Variants in FAT3 observed in about 807,000 individuals in gnomAD.
FAT3 encodes protocadherin Fat 3.
Under a neutral mutation model 310.2 loss-of-function variants are expected in FAT3, and 95 were observed. The observed-to-expected ratio is 0.31, with a 90% CI of 0.26 to 0.36. The LOEUF is 0.36. Ranked by LOEUF, FAT3 falls within the 10% of genes least tolerant of loss-of-function variation. The pLI is 1.00. For missense variants in FAT3, 5,408 were observed against 5,715.6 expected (o/e 0.95, Z 1.74); for synonymous variants, 2,314 against 2,192.9 (o/e 1.06, Z -1.54).
At chr11:92,335,904 A>G (rs1948058819) in intron 1 of FAT3, 2 of 256,500 alleles carry the variant, frequency 7.8e-6, no homozygotes, top group South Asian at 9.9e-5. Flanking sequence ...AAAGTTTCAA[A>G]AACATCAGAT....
At position 92,798,740 on chromosome 11, in the gene FAT3, T is replaced by A. The variant is rs1169786645; in HGVS notation, c.5727T>A (p.Asp1909Glu). Reference sequence around the variant, plus strand: ...AGGTTCTGAAAGTTAGTGCCACAGATCCTGACTCTGAGGTACCCCCTGAAC... The same window carrying A: ...AGGTTCTGAAAGTTAGTGCCACAGAACCTGACTCTGAGGTACCCCCTGAAC... ...GVEVLKVSAT[D>E]PDSEVPPELT... Residue 1909 changes from aspartate to glutamate, a missense_variant, in exon 10 of 28, where the codon GAT becomes GAA. Around this residue, in one of 5 missense-constraint regions of FAT3, gnomAD observed 4,588 missense variants for 4,809.8 expected, o/e 0.95. Transcript: ENST00000525166. The A allele has an allele frequency of 6.2e-7, 1 of 1,613,782 alleles. No individual in the cohort carries two copies. Among genetic ancestry groups the A allele is most frequent in the Non-Finnish European group, 8.5e-7 (1 of 1,179,798 alleles).
intron 11 of FAT3, among the ~76,000 whole-genome samples, chr11:92,805,961 A>G (rs138390298): frequency 6.6e-6 from 1 of 152,228 alleles, no homozygotes; most frequent in Non-Finnish European, 1.5e-5. Flanking sequence ...ACTAATGCCA[A>G]ATGCTGGTAG....
intron 1 of FAT3, among the ~76,000 whole-genome samples, chr11:92,273,834 C>T (rs994422439): frequency 1.3e-5 from 2 of 152,062 alleles, no homozygotes; most frequent in Non-Finnish European, 2.9e-5. Context: ...TTTAACCATT[C>T]TTCTTCTGAG....
At position 92,894,404 on chromosome 11, in the gene FAT3, C is replaced by T. The variant is rs558211788; in HGVS notation, c.*3291C>T. On this transcript the variant is annotated 3_prime_UTR_variant, in exon 28 of 28. Coordinates refer to ENST00000525166, the MANE Select transcript of FAT3 (RefSeq NM_001367949.2). ...TTTCTTCCCACAAACACTGGCTACT[C>T]TTTGTCCTACCCCCTCCACCATGAT... is the stretch of plus-strand genomic sequence containing the variant. 1 of 152,266 alleles carries T rather than the reference C, an allele frequency of 6.6e-6. No individual in the cohort carries two copies. The allele number at this position is 152,266 out of a possible 1,614,324, so 9.4% of individuals were successfully genotyped here.
chr11:92,465,647 G>A (rs1329425140), intron 2 of FAT3, among the ~76,000 whole-genome samples: 3 of 152,112 alleles, frequency 2.0e-5, no homozygotes, highest in Admixed American at 6.6e-5. Context: ...CTCACTCATA[G>A]GTGGGAATTG....
Position 92,867,168 on chromosome 11 carries a change from C to A in FAT3, c.12086C>A (p.Pro4029Gln), listed in dbSNP as rs1473992762. Residue 4029 changes from proline to glutamine, a missense_variant, in exon 22 of 28, where the codon CCG becomes CAG. Physicochemically the swap from Pro to Gln is moderately conservative, Grantham distance 76 (BLOSUM62 -1). This residue lies in a region of FAT3 where 4,588 missense variants were observed against 4,809.8 expected (regional missense o/e 0.95). Coordinates refer to ENST00000525166, the MANE Select transcript of FAT3 (RefSeq NM_001367949.2). ...VLYPDACKRS[P>Q]CQHGGSCTGL... ...TATCCCGACGCCTGCAAGCGCAGCC[C>A]GTGCCAGCACGGGGGCAGCTGCACT... is the stretch of plus-strand genomic sequence containing the variant. 6.3e-7 allele frequency: 1 copy of A among 1,592,662 alleles called. No homozygotes were observed. Among genetic ancestry groups the A allele is most frequent in the Non-Finnish European group, 8.5e-7 (1 of 1,172,174 alleles).
At chr11:92,705,424 G>GTGA (rs1944255923) in intron 4 of FAT3, among the ~76,000 whole-genome samples, 12 of 84,484 alleles carry the variant, frequency 1.4e-4, no homozygotes, top group East Asian at 3.9e-4. Context: ...GGTGGTAGTG[G>GTGA]TGGTGGTGGT....
chr11:92,373,541 C>A (rs1010697495), intron 2 of FAT3, among the ~76,000 whole-genome samples: 1 of 151,832 alleles, frequency 6.6e-6, no homozygotes, highest in Non-Finnish European at 1.5e-5. Flanking sequence ...TTGTTAGGAG[C>A]TTAAAGGGAA....
At chr11:92,666,972 A>C (rs1290529867) in intron 3 of FAT3, among the ~76,000 whole-genome samples, 1 of 152,086 alleles carries the variant, frequency 6.6e-6, no homozygotes, top group Non-Finnish European at 1.5e-5. Context: ...AATGGGGTCT[A>C]GTCGTGAGGA....
chr11:92,274,566 A>G (rs1404783954), intron 1 of FAT3, among the ~76,000 whole-genome samples: 1 of 152,084 alleles, frequency 6.6e-6, no homozygotes, highest in African/African-American at 2.4e-5. Flanking sequence ...AGAATTTTCA[A>G]GTAATTAACC....
chr11:92,881,910 T>A (rs1822696544), intron 23 of FAT3, among the ~76,000 whole-genome samples: 1 of 152,192 alleles, frequency 6.6e-6, no homozygotes, highest in Admixed American at 6.5e-5. Context: ...GCCTTTAACA[T>A]AAGCACAGAA....
At chr11:92,382,676 G>A (rs1949523361) in intron 2 of FAT3, among the ~76,000 whole-genome samples, 3 of 152,134 alleles carry the variant, frequency 2.0e-5, no homozygotes, top group Admixed American at 2.0e-4. Flanking sequence ...TTCAGGTTTT[G>A]CTAATCTTGA....
chr11:92,569,910 C>T (rs1284766816), intron 3 of FAT3, among the ~76,000 whole-genome samples: 1 of 152,130 alleles, frequency 6.6e-6, no homozygotes, highest in Non-Finnish European at 1.5e-5. Flanking sequence ...GGAGCTATGA[C>T]TTTGAGCACT....
intron 1 of FAT3, among the ~76,000 whole-genome samples, chr11:92,310,039 T>C (rs1305714777): frequency 6.6e-6 from 1 of 152,148 alleles, no homozygotes; most frequent in Non-Finnish European, 1.5e-5. Context: ...TCTATTCACT[T>C]GTTTTCAAAG....
intron 3 of FAT3, among the ~76,000 whole-genome samples, chr11:92,628,622 C>T (rs1294563120): frequency 6.6e-6 from 1 of 152,118 alleles, no homozygotes; most frequent in Non-Finnish European, 1.5e-5. Flanking sequence ...TATTGTGTAC[C>T]TATGTCTATT....
intron 3 of FAT3, among the ~76,000 whole-genome samples, chr11:92,580,345 A>G (rs1388074526): frequency 6.6e-6 from 1 of 151,984 alleles, no homozygotes; most frequent in East Asian, 1.9e-4. Context: ...GACATTATGT[A>G]TGTTTGAAAT....
At chr11:92,705,805 G>A (rs912379321) in intron 4 of FAT3, among the ~76,000 whole-genome samples, 1 of 60,060 alleles carries the variant, frequency 1.7e-5, no homozygotes, top group Non-Finnish European at 3.6e-5. Flanking sequence ...TGGTGTTGGT[G>A]TTGGTGGTGG....
At chr11:92,701,302 G>A (rs951361543) in intron 4 of FAT3, among the ~76,000 whole-genome samples, 5 of 152,300 alleles carry the variant, frequency 3.3e-5, no homozygotes, top group Non-Finnish European at 7.4e-5. Flanking sequence ...CACTTTAGTT[G>A]TATACTGCTG....
chr11:92,276,125 G>A (rs190248723), intron 1 of FAT3, among the ~76,000 whole-genome samples: 206 of 152,140 alleles, frequency 1.4e-3, no homozygotes, highest in African/African-American at 4.7e-3. Context: ...AAATAGTCCC[G>A]AACCAAAATA....
Sources: gnomAD v4.1 joint callset for allele counts (sites outside exome capture counted in the v4.1 genomes callset) on GRCh38, gnomAD v4.1.1 for gene constraint, gnomAD v4.1.1 regional missense constraint, MANE v1.5 for transcripts, NCBI Gene and HGNC (gene_info 2026-07-23, HGNC 2026-07-21) for gene names.